The following KRT7 variants were observed in gnomAD, a reference collection of about 807,000 sequenced individuals.
The protein encoded by KRT7 is keratin 7, also known as keratin, type II cytoskeletal 7.
In KRT7, 50 loss-of-function variants were observed where a neutral mutation model predicts 42.8. That is an observed-to-expected ratio of 1.17 (90% CI 0.93 to 1.48). KRT7 has a LOEUF of 1.48. Ranked by LOEUF, KRT7 falls within the 40% of genes most tolerant of loss-of-function variation. The pLI, the probability that KRT7 is intolerant of heterozygous loss-of-function variation, is 0.00. For synonymous variants in KRT7, 268 were observed against 266.3 expected (o/e 1.01, Z -0.06); for missense variants, 588 against 637.6 (o/e 0.92, Z 0.84).
Position 52,237,561 on chromosome 12 carries a change from C to G in KRT7, c.589C>G (p.Leu197Val). 1 of 1,610,482 alleles carries G rather than the reference C, an allele frequency of 6.2e-7. No individual in the cohort carries two copies. Among genetic ancestry groups the G allele is most frequent in the Non-Finnish European group, 8.5e-7 (1 of 1,178,072 alleles). Reference sequence around the variant, plus strand: ...AGCTGCTGAGAATGAGTTTGTGGTGCTGAAGAAGGTGAGTGGGAAAGACAG... The same window carrying G: ...AGCTGCTGAGAATGAGTTTGTGGTGGTGAAGAAGGTGAGTGGGAAAGACAG... Reference protein sequence around the residue: ...RTAAENEFVVLKKDVDAAYMS... With the variant: ...RTAAENEFVVVKKDVDAAYMS... The change falls in exon 3 of 9, where the codon CTG becomes GTG. Residue 197 changes from leucine (L) to valine (V), a missense_variant. Transcript: ENST00000331817.
chr12:52,233,436 C>A lies in KRT7; in HGVS notation c.140C>A (p.Pro47Gln). 1.3e-6 allele frequency: 2 copies of A among 1,557,738 alleles called. No homozygotes were observed. Among genetic ancestry groups the A allele is most frequent in the Non-Finnish European group, 1.7e-6 (2 of 1,160,704 alleles). Reference protein sequence around the residue: ...SSLYGLGASRPRVAVRSAYGG... With the variant: ...SSLYGLGASRQRVAVRSAYGG... ...CTCTACGGCCTCGGCGCCTCACGGCCGCGCGTGGCCGTGCGCTCTGCCTAT... is the reference window on the plus strand; with the variant it reads ...CTCTACGGCCTCGGCGCCTCACGGCAGCGCGTGGCCGTGCGCTCTGCCTAT... The change falls in exon 1 of 9, where the codon CCG (proline) becomes CAG (glutamine). Residue 47 changes from proline to glutamine, a missense_variant. Physicochemically the swap from Pro to Gln is moderately conservative, Grantham distance 76 (BLOSUM62 -1). Coordinates refer to ENST00000331817, the MANE Select transcript of KRT7 (RefSeq NM_005556.4).
chr12:52,253,978 A>G (rs1176967328), downstream of KRT7, among the ~76,000 whole-genome samples: 1 of 152,130 alleles, frequency 6.6e-6, no homozygotes, highest in Non-Finnish European at 1.5e-5. Context: ...TAGAGAGTCC[A>G]TGTCTGAGGC....
rs150214840 is a variant in KRT7, at chr12:52,235,154, G to C, written c.325-1G>C. 2.5e-6 allele frequency: 4 copies of C among 1,613,902 alleles called. No individual in the cohort carries two copies. The African/African-American group carries it at 4.0e-5, about 16-fold the overall frequency. ...AGTTTCCTCCTTCTCGCCCGTTCTA[G>C]GTGCGGTTTCTGGAGCAGCAGAACA... On this transcript the variant is annotated splice_acceptor_variant, in intron 1 of 8. Coordinates refer to ENST00000331817, the MANE Select transcript of KRT7 (RefSeq NM_005556.4). LOFTEE classifies it high-confidence loss of function.
Position 52,245,426 on chromosome 12 carries a change from G to A in KRT7, c.999G>A (p.Glu333=). The A allele has an allele frequency of 6.2e-7, 1 of 1,613,828 alleles. No homozygotes were observed. Among genetic ancestry groups the A allele is most frequent in the Non-Finnish European group, 8.5e-7 (1 of 1,179,998 alleles). The change falls in exon 7 of 9, where the codon GAG becomes GAA. Residue 333 remains glutamate (E), a synonymous_variant. Coordinates refer to ENST00000331817, the MANE Select transcript of KRT7 (RefSeq NM_005556.4). Reference sequence around the variant, plus strand: ...GCTGCCCACAGCGTGCCAAGTTGGAGGCCGCCATTGCCGAGGCTGAGGAGC... The same window carrying A: ...GCTGCCCACAGCGTGCCAAGTTGGAAGCCGCCATTGCCGAGGCTGAGGAGC... ...DNIKNQRAKL[E]AAIAEAEERG...
chr12:52,235,248 AT>A lies in KRT7; in HGVS notation c.419del (p.Ile140ThrfsTer58), dbSNP rs751499123. ...GGCCAAGAGCAGCCGCCTCCCAGAC[AT>A]CTTTGAGGCCCAGATTGCTGGCCTT... The part of the protein sequence containing the change: ...KSAKSSRLPD[I>X]FEAQIAGLRG... On this transcript the variant is annotated frameshift_variant, in exon 2 of 9. Coordinates refer to ENST00000331817, the MANE Select transcript of KRT7 (RefSeq NM_005556.4). LOFTEE classifies it high-confidence loss of function. 6.2e-7 allele frequency: 1 copy of A among 1,614,168 alleles called. No homozygotes were observed. Among genetic ancestry groups the A allele is most frequent in the South Asian group, 1.1e-5 (1 of 91,082 alleles).
At chr12:52,244,206 C>T (rs1264285916) in intron 6 of KRT7, among the ~76,000 whole-genome samples, 1 of 152,242 alleles carries the variant, frequency 6.6e-6, no homozygotes, top group Non-Finnish European at 1.5e-5. Flanking sequence ...CCCTGTGGGC[C>T]TGTTTACAGG....
downstream of KRT7, chr12:52,250,586 G>A: frequency 7.9e-7 from 1 of 1,268,826 alleles, no homozygotes; most frequent in Admixed American, 2.0e-5. Flanking sequence ...TCACCGGCCG[G>A]GAGCCCGACA....
chr12:52,235,475 C>T (rs376393723), intron 2 of KRT7, 109 bp downstream of exon 2: 1 of 905,056 alleles, frequency 1.1e-6, no homozygotes, highest in East Asian at 2.6e-5. Flanking sequence ...TGCAGCTGCT[C>T]AGTCCAATAA....
downstream of KRT7, chr12:52,254,350 G>T: frequency 1.2e-6 from 1 of 833,874 alleles, no homozygotes; most frequent in Non-Finnish European, 2.0e-6. Flanking sequence ...TGCGCAGGTA[G>T]GCACAGTCCA....
chr12:52,253,111 G>A, downstream of KRT7: 1 of 1,085,888 alleles, frequency 9.2e-7, no homozygotes, highest in Non-Finnish European at 1.4e-6. Context: ...CTGGGTGTTT[G>A]CCCTTGTCCC....
chr12:52,252,124 C>A (rs1006097493), downstream of KRT7: 9 of 1,151,068 alleles, frequency 7.8e-6, no homozygotes, highest in Non-Finnish European at 1.1e-5. Flanking sequence ...TCTGTTTAAC[C>A]TGCAAATTCT....
chr12:52,233,622 T>C lies in KRT7; in HGVS notation c.324+2T>C, dbSNP rs761609520. 1.6e-5 allele frequency: 25 copies of C among 1,612,014 alleles called. No individual in the cohort carries two copies. In the Admixed American group the frequency reaches 4.2e-4, roughly 27 times the overall value. On this transcript the variant is annotated splice_donor_variant, in intron 1 of 8. Transcript: ENST00000331817. LOFTEE classifies it high-confidence loss of function. ...AAGTTTGCCTCCTTCATCGACAAGG[T>C]GAGCGGGACTGGACCTCGCCTCTCC... is the stretch of plus-strand genomic sequence containing the variant.
intron 3 of KRT7, 61 bp downstream of exon 3, chr12:52,237,630 G>C: frequency 7.0e-7 from 1 of 1,437,286 alleles, no homozygotes; most frequent in South Asian, 1.2e-5. Context: ...AGGACCACAG[G>C]ATCCTCTCAC....
chr12:52,253,260 G>A (rs775905483), downstream of KRT7: 139 of 1,611,274 alleles, frequency 8.6e-5, 1 homozygote, highest in Admixed American at 4.7e-4. Context: ...TGGATCATGC[G>A]GTTCAGCTCG....
chr12:52,252,511 C>T, downstream of KRT7: 1 of 1,611,334 alleles, frequency 6.2e-7, no homozygotes, highest in Non-Finnish European at 8.5e-7. Context: ...TATTAAGGAT[C>T]TCTGTTCTGG....
intron 5 of KRT7, among the ~76,000 whole-genome samples, chr12:52,242,154 G>T (rs1405285898): frequency 3.3e-5 from 5 of 151,978 alleles, no homozygotes; most frequent in African/African-American, 1.2e-4. Context: ...TGTATTTTGA[G>T]TAGAGACGAG....
At chr12:52,250,950 C>T (rs992187800), downstream of KRT7, among the ~76,000 whole-genome samples, 5 of 152,198 alleles carry the variant, frequency 3.3e-5, no homozygotes, top group Non-Finnish European at 7.3e-5. Context: ...CACACCTGGG[C>T]TCTGTGGCGA....
chr12:52,246,634 C>A (rs1176579242), intron 7 of KRT7, among the ~76,000 whole-genome samples: 1 of 152,144 alleles, frequency 6.6e-6, no homozygotes, highest in African/African-American at 2.4e-5. Context: ...AGGGGCTTTG[C>A]CCCTGCTGCT....
At position 52,242,963 on chromosome 12, in the gene KRT7, G is replaced by A. The variant is rs2298798; in HGVS notation, c.859-49G>A. The A allele has an allele frequency of 1.3e-3, 2,052 of 1,570,022 alleles. 42 individuals are homozygous for A. In the East Asian group the frequency reaches 0.043, roughly 33 times the overall value. The stretch of plus-strand genomic sequence containing the variant: ...GGGTGGGGAGAGGGATGAGTTACCT[G>A]TACTCACTGCCCATCTCTCTGCCAT... On this transcript the variant is annotated intron_variant, in intron 5 of 8. Transcript: ENST00000331817.
Sources: gnomAD v4.1 joint callset for allele counts (sites outside exome capture counted in the v4.1 genomes callset) on GRCh38, gnomAD v4.1.1 for gene constraint, MANE v1.5 for transcripts, NCBI Gene and HGNC (gene_info 2026-07-23, HGNC 2026-07-21) for gene names.